Variants in LDB2 observed in about 807,000 individuals in gnomAD.
LDB2 encodes LIM domain-binding protein 2.
In LDB2, 12 loss-of-function variants were observed where a neutral mutation model predicts 44.3. The observed-to-expected ratio is 0.27, with a 90% CI of 0.17 to 0.44. The LOEUF is 0.44. Among genes scored for constraint, LDB2 ranks in the 20% least tolerant of loss-of-function variants. LDB2 has a pLI of 1.00. For missense variants in LDB2, 344 were observed against 473.5 expected, an observed-to-expected ratio of 0.73 and a Z score of 2.54; for synonymous variants, 164 against 174.8, an observed-to-expected ratio of 0.94 and a Z score of 0.49.
At chr4:16,516,667 T>C (rs915236558) in intron 5 of LDB2, among the ~76,000 whole-genome samples, 3 of 152,206 alleles carry the variant, frequency 2.0e-5, no homozygotes, top group Non-Finnish European at 4.4e-5. Flanking sequence ...TTACACTTAT[T>C]GTGAGGACCC....
At chr4:16,883,517 C>T (rs936780223) in intron 1 of LDB2, among the ~76,000 whole-genome samples, 1 of 152,210 alleles carries the variant, frequency 6.6e-6, no homozygotes, top group Non-Finnish European at 1.5e-5. Flanking sequence ...ACCAGATACC[C>T]GCCCACTTAG....
intron 1 of LDB2, among the ~76,000 whole-genome samples, chr4:16,768,541 A>G (rs771864035): frequency 1.3e-5 from 2 of 151,694 alleles, no homozygotes; most frequent in Non-Finnish European, 2.9e-5. Context: ...GATATTAAGA[A>G]AGAAGACAAA....
chr4:16,664,340 A>T (rs2082818130), intron 2 of LDB2, among the ~76,000 whole-genome samples: 1 of 152,180 alleles, frequency 6.6e-6, no homozygotes, highest in Admixed American at 6.6e-5. Context: ...AGCCTCCAGA[A>T]CTATAAGCAA....
At chr4:16,545,453 C>T (rs977767157) in intron 5 of LDB2, among the ~76,000 whole-genome samples, 8 of 152,230 alleles carry the variant, frequency 5.3e-5, no homozygotes, top group Non-Finnish European at 8.8e-5. Context: ...AACTTTTACC[C>T]GTGGAGAATT....
chr4:16,761,127 A>T (rs1406323343), intron 1 of LDB2, among the ~76,000 whole-genome samples: 1 of 152,188 alleles, frequency 6.6e-6, no homozygotes, highest in Non-Finnish European at 1.5e-5. Context: ...TACTCATAAA[A>T]GCAGCTCAAT....
Position 16,706,355 on chromosome 4 carries a change from C to T in LDB2, c.235+52803G>A, listed in dbSNP as rs192503804. Among the ~76,000 whole-genome samples, 23 of 152,282 alleles carry T rather than the reference C, an allele frequency of 1.5e-4. No homozygotes were observed. The East Asian group carries it at 3.9e-3, about 26-fold the overall frequency. On this transcript the variant is annotated intron_variant, in intron 2 of 7. Transcript: ENST00000304523. ...ATTATAAAAGAAGCCCGAGAGAGGTCCCTTGCCCCTTCTGCGACCTAAGGA... is the reference window on the plus strand; with the variant it reads ...ATTATAAAAGAAGCCCGAGAGAGGTTCCTTGCCCCTTCTGCGACCTAAGGA...
intron 3 of LDB2, among the ~76,000 whole-genome samples, chr4:16,591,187 T>C (rs1405196270): frequency 1.3e-5 from 2 of 152,252 alleles, no homozygotes; most frequent in South Asian, 4.1e-4. Flanking sequence ...TTTGCATTTA[T>C]GAACCACAAA....
intron 2 of LDB2, among the ~76,000 whole-genome samples, chr4:16,741,925 T>A (rs1763341665): frequency 6.6e-6 from 1 of 152,246 alleles, no homozygotes; most frequent in Admixed American, 6.5e-5. Flanking sequence ...TCAGGGGCTC[T>A]TGCTATCTTG....
intron 1 of LDB2, among the ~76,000 whole-genome samples, chr4:16,816,785 A>G (rs1252182333): frequency 6.6e-6 from 1 of 152,170 alleles, no homozygotes; most frequent in East Asian, 1.9e-4. Context: ...CAAGAAGGGC[A>G]CAGCCAAATC....
intron 2 of LDB2, among the ~76,000 whole-genome samples, chr4:16,600,869 A>C (rs907544655): frequency 6.6e-6 from 1 of 152,296 alleles, no homozygotes; most frequent in Non-Finnish European, 1.5e-5. Context: ...TTTAGAAACA[A>C]AATGGTGTAA....
intron 1 of LDB2, among the ~76,000 whole-genome samples, chr4:16,769,824 C>G (rs1770248054): frequency 6.6e-6 from 1 of 152,194 alleles, no homozygotes. Context: ...CAAGCCCTCC[C>G]TTTTAGAAGG....
At chr4:16,735,880 G>C (rs956824294) in intron 2 of LDB2, among the ~76,000 whole-genome samples, 48 of 152,208 alleles carry the variant, frequency 3.2e-4, no homozygotes, top group Non-Finnish European at 1.5e-5. Context: ...GTCGCTGTTG[G>C]AGATGTCATA....
chr4:16,659,671 G>GTGTGTGTATATA (rs1315288524), intron 2 of LDB2, among the ~76,000 whole-genome samples: 4 of 133,560 alleles, frequency 3.0e-5, no homozygotes, highest in African/African-American at 1.2e-4. Context: ...ATCTATGTGT[G>GTGTGTGTATATA]TATATATATA....
chr4:16,598,885 T>TC (rs1721803317), intron 2 of LDB2, among the ~76,000 whole-genome samples: 1 of 151,510 alleles, frequency 6.6e-6, no homozygotes, highest in African/African-American at 2.4e-5. Context: ...TTCTTTTTTT[T>TC]TTTTTTTTAA....
At chr4:16,607,398 C>T (rs1280958535) in intron 2 of LDB2, among the ~76,000 whole-genome samples, 1 of 152,220 alleles carries the variant, frequency 6.6e-6, no homozygotes, top group African/African-American at 2.4e-5. Flanking sequence ...CTCATTCTCT[C>T]CTTTGTATTC....
intron 2 of LDB2, among the ~76,000 whole-genome samples, chr4:16,646,519 T>A (rs1204862290): frequency 1.3e-5 from 2 of 152,210 alleles, no homozygotes; most frequent in Non-Finnish European, 2.9e-5. Context: ...TGTTACTGGT[T>A]CAACATGGCC....
chr4:16,833,030 C>T (rs1231507141), intron 1 of LDB2, among the ~76,000 whole-genome samples: 1 of 152,222 alleles, frequency 6.6e-6, no homozygotes, highest in Non-Finnish European at 1.5e-5. Flanking sequence ...GAAATCCTTG[C>T]TCCTTCCAAT....
chr4:16,650,537 AT>A (rs1404222305), intron 2 of LDB2, among the ~76,000 whole-genome samples: 2 of 152,202 alleles, frequency 1.3e-5, no homozygotes, highest in Non-Finnish European at 2.9e-5. Context: ...TTCTGTAGTC[AT>A]TTATACAACT....
At chr4:16,845,836 G>A (rs958093577) in intron 1 of LDB2, among the ~76,000 whole-genome samples, 20 of 151,902 alleles carry the variant, frequency 1.3e-4, no homozygotes, top group African/African-American at 3.6e-4. Flanking sequence ...GCCTGGGCGC[G>A]GTGGCTCCTG....
Sources: gnomAD v4.1 joint callset for allele counts (sites outside exome capture counted in the v4.1 genomes callset) on GRCh38, gnomAD v4.1.1 for gene constraint, MANE v1.5 for transcripts, NCBI Gene and HGNC (gene_info 2026-07-23, HGNC 2026-07-21) for gene names.